LRRC9: variants seen among roughly 807,000 people sequenced by gnomAD.
LRRC9 encodes the protein leucine rich repeat containing 9, also known as leucine-rich repeat-containing protein 9.
In LRRC9, 122 loss-of-function variants were observed where a neutral mutation model predicts 63.2. The ratio of observed to expected loss-of-function variants is 1.93; its 90% CI spans 1.67 to 2.24. The LOEUF (loss-of-function observed/expected upper bound fraction) is 2.24, where lower values mean the gene tolerates loss of function less well. Among genes scored for constraint, LRRC9 ranks in the 30% most tolerant of loss-of-function variants. The pLI is 0.00. For missense variants in LRRC9, 1,071 were observed against 627.7 expected, an observed-to-expected ratio of 1.71 and a Z score of -7.55; for synonymous variants, 366 against 213.1, an observed-to-expected ratio of 1.72 and a Z score of -6.25.
intron 17 of LRRC9, among the ~76,000 whole-genome samples, chr14:59,991,079 A>G (rs944072187): frequency 1.3e-5 from 2 of 152,150 alleles, no homozygotes. Flanking sequence ...CTGCCTCTAT[A>G]TTCTCTAATA....
At position 59,966,889 on chromosome 14, in the gene LRRC9, T is replaced by C. The variant is rs2140001162; in HGVS notation, c.1388+124T>C. 2 of 555,544 alleles carry C rather than the reference T, an allele frequency of 3.6e-6. No individual in the cohort carries two copies. Among genetic ancestry groups the C allele is most frequent in the Middle Eastern group, 9.5e-4 (2 of 2,106 alleles). The allele number at this position is 555,544 out of a possible 1,614,324, so 34.4% of individuals were successfully genotyped here. On this transcript the variant is annotated intron_variant, in intron 11 of 31. Coordinates refer to ENST00000445360, the Ensembl canonical transcript of LRRC9. The surrounding 1 kb of genome is among the most constrained non-coding windows in gnomAD (Gnocchi z 4.0). ...ACCTTGTTAGTAAATGTTTCCTTTTTATGCATCTCCCATGGCCAGGATGAC... is the reference window on the plus strand; with the variant it reads ...ACCTTGTTAGTAAATGTTTCCTTTTCATGCATCTCCCATGGCCAGGATGAC...
intron 17 of LRRC9, among the ~76,000 whole-genome samples, chr14:59,996,933 T>A (rs1888859511): frequency 6.6e-6 from 1 of 152,152 alleles, no homozygotes; most frequent in Non-Finnish European, 1.5e-5. Flanking sequence ...AGTAAAATGT[T>A]TTTAAAAATT....
In LRRC9 at chr14:59,958,216, C is replaced by T. The variant is rs965322765; in HGVS notation, c.883-1602C>T. Among the ~76,000 whole-genome samples the T allele has an allele frequency of 1.3e-5, 2 of 152,190 alleles. No homozygotes were observed. Among genetic ancestry groups the T allele is most frequent in the East Asian group, 1.9e-4 (1 of 5,190 alleles). On this transcript the variant is annotated intron_variant, in intron 8 of 31. Coordinates refer to ENST00000445360, the Ensembl canonical transcript of LRRC9. The surrounding 1 kb of genome is among the most constrained non-coding windows in gnomAD (Gnocchi z 4.0). ...TCTCTTCAGAGCTGGCAGGCAGGAA[C>T]GATTAAATCTGCTGCAGCTGTGCCC... is the stretch of plus-strand genomic sequence containing the variant.
At chr14:59,954,531 A>G (rs1883522656) in intron 8 of LRRC9, among the ~76,000 whole-genome samples, 1 of 152,200 alleles carries the variant, frequency 6.6e-6, no homozygotes, top group Non-Finnish European at 1.5e-5. Context: ...ACTTTGCTGA[A>G]GTTGCTTATC....
intron 29 of LRRC9, among the ~76,000 whole-genome samples, chr14:60,048,152 A>AG (rs528312757): frequency 1.3e-5 from 2 of 152,304 alleles, no homozygotes; most frequent in East Asian, 1.9e-4. Context: ...CAGTGTTAAG[A>AG]GGGGAATTTA....
intron 30 of LRRC9, chr14:60,054,063 G>C: frequency 2.8e-6 from 1 of 355,782 alleles, no homozygotes; most frequent in South Asian, 2.3e-5. Flanking sequence ...TCCATGAACA[G>C]AGGTGACTTT....
chr14:60,022,716 C>T lies in LRRC9; in HGVS notation c.3567-18C>T, dbSNP rs934081348. 5.2e-6 allele frequency: 3 copies of T among 576,026 alleles called. No individual in the cohort carries two copies. Among genetic ancestry groups the T allele is most frequent in the Admixed American group, 2.6e-5 (1 of 38,788 alleles). The allele number at this position is 576,026 out of a possible 1,614,324, so 35.7% of individuals were successfully genotyped here. ...TTGAAGTTAAGTTTATGGCCTCAAACTTACCTATGTGTTTCAGAGATATAA... is the reference window on the plus strand; with the variant it reads ...TTGAAGTTAAGTTTATGGCCTCAAATTTACCTATGTGTTTCAGAGATATAA... On this transcript the variant is annotated intron_variant, in intron 26 of 31. Coordinates refer to ENST00000445360, the Ensembl canonical transcript of LRRC9.
At chr14:60,018,280 T>C in intron 24 of LRRC9, 91 bp from the exon 25 acceptor site, 1 of 671,136 alleles carries the variant, frequency 1.5e-6, no homozygotes, top group South Asian at 1.6e-5. Context: ...TTTTTAAATG[T>C]CTTTGGTGGC....
chr14:60,039,295 A>ATTCCCTCT (rs1349941780), intron 29 of LRRC9, among the ~76,000 whole-genome samples: 4 of 152,044 alleles, frequency 2.6e-5, no homozygotes, highest in Admixed American at 6.5e-5. Flanking sequence ...GTTAGGGAGG[A>ATTCCCTCT]TTCCCTCTTT....
At chr14:59,944,881 C>T (rs1882189400) in intron 8 of LRRC9, 137 bp downstream of exon 8, 1 of 428,746 alleles carries the variant, frequency 2.3e-6, no homozygotes, top group Non-Finnish European at 4.1e-6. Context: ...CACACACACA[C>T]ACACATATGT....
rs569948507 is a variant in LRRC9 at position 59,927,416 on chromosome 14, C to G, written c.-33-495C>G. ...GTTGGAGTATTTATTTTAATAAACA[C>G]TTATTACTATGCCAAAAATGTTGCT... On this transcript the variant is annotated intron_variant, in intron 1 of 31. Coordinates refer to ENST00000445360, the Ensembl canonical transcript of LRRC9. This position sits in a 1 kb window ranked among gnomAD's most constrained non-coding sequence, Gnocchi z 4.4. Among the ~76,000 whole-genome samples, 1 of 152,166 alleles carries G rather than the reference C, an allele frequency of 6.6e-6. No homozygotes were observed. Among genetic ancestry groups the G allele is most frequent in the Non-Finnish European group, 1.5e-5 (1 of 67,934 alleles).
At chr14:60,050,055 G>A (rs1893760379) in intron 29 of LRRC9, among the ~76,000 whole-genome samples, 1 of 151,916 alleles carries the variant, frequency 6.6e-6, no homozygotes, top group African/African-American at 2.4e-5. Flanking sequence ...GGAGTGCAGT[G>A]GCACAATCTC....
intron 7 of LRRC9, among the ~76,000 whole-genome samples, chr14:59,939,208 T>C (rs1881490830): frequency 6.6e-6 from 1 of 151,908 alleles, no homozygotes; most frequent in East Asian, 1.9e-4. Flanking sequence ...ATCTATGGTT[T>C]ATGGTAGTCT....
rs1308654843 is a variant in LRRC9, at chr14:59,942,188, ATATG to A, written c.727-2399_727-2396del. ...ATAGTATTCCATCATGTGTATACAC[ATATG>A]TGTGTGTGTAATGTGATATATATAT... is the stretch of plus-strand genomic sequence containing the variant. On this transcript the variant is annotated intron_variant, in intron 7 of 31. Coordinates refer to ENST00000445360, the Ensembl canonical transcript of LRRC9. This position sits in a 1 kb window ranked among gnomAD's most constrained non-coding sequence, Gnocchi z 5.3. 6.6e-6 allele frequency among the ~76,000 whole-genome samples: 1 copy of A among 152,130 alleles called. No individual in the cohort carries two copies.
At chr14:60,008,689 C>A (rs760702472) in intron 23 of LRRC9, among the ~76,000 whole-genome samples, 130 of 152,216 alleles carry the variant, frequency 8.5e-4, no homozygotes, top group Non-Finnish European at 1.4e-3. Context: ...AATGTGAAAG[C>A]AACATTTGGA....
rs1360863433 is a variant in LRRC9 at position 60,004,139 on chromosome 14, C to T, written c.2842+341C>T. 1.3e-5 allele frequency among the ~76,000 whole-genome samples: 2 copies of T among 152,024 alleles called. No homozygotes were observed. Among genetic ancestry groups the T allele is most frequent in the African/African-American group, 2.4e-5 (1 of 41,396 alleles). On this transcript the variant is annotated intron_variant, in intron 21 of 31. Transcript: ENST00000445360. This position sits in a 1 kb window ranked among gnomAD's most constrained non-coding sequence, Gnocchi z 4.8. ...ACTATTTTACTTTATATAATGAGCC[C>T]GAGCAAGCTTTCACCTCCTGTGCCT...
chr14:60,015,039 C>G (rs974317927), intron 23 of LRRC9, among the ~76,000 whole-genome samples: 1 of 151,932 alleles, frequency 6.6e-6, no homozygotes, highest in Admixed American at 6.6e-5. Context: ...TTCAGTTATT[C>G]TTTTCTCTTT....
At position 59,966,551 on chromosome 14, in the gene LRRC9, AT is replaced by A; in HGVS notation, c.1212-34del. 1.9e-6 allele frequency: 1 copy of A among 530,982 alleles called. No individual in the cohort carries two copies. The highest frequency in any genetic ancestry group is 3.4e-6 in the Non-Finnish European group (1 of 294,970). 32.9% of individuals were successfully genotyped at this position (530,982 alleles called of 1,614,324 possible). A position where few individuals can be genotyped will look rare whatever the true frequency, so the allele number is the denominator to read the frequency against. ...TTAAACATTTTAAGGAAAATCTATT[AT>A]TTTCTTCATGTATATTCTGTATGTA... is the stretch of plus-strand genomic sequence containing the variant. On this transcript the variant is annotated intron_variant, in intron 10 of 31. Transcript: ENST00000445360. This position sits in a 1 kb window ranked among gnomAD's most constrained non-coding sequence, Gnocchi z 4.0.
chr14:59,976,451 A>G (rs779869693), intron 13 of LRRC9, among the ~76,000 whole-genome samples: 1 of 152,202 alleles, frequency 6.6e-6, no homozygotes, highest in Non-Finnish European at 1.5e-5. Flanking sequence ...GCTAAGGTGA[A>G]TCATTCTGAA....
Sources: gnomAD v4.1 joint callset for allele counts (sites outside exome capture counted in the v4.1 genomes callset) on GRCh38, gnomAD v4.1.1 for gene constraint, Gnocchi (gnomAD v3.1) non-coding constraint, MANE v1.5 for transcripts, NCBI Gene and HGNC (gene_info 2026-07-23, HGNC 2026-07-21) for gene names.